The following TGFA variants were observed in gnomAD, a reference collection of about 807,000 sequenced individuals.
The protein encoded by TGFA is protransforming growth factor alpha.
TGFA carries 12 observed loss-of-function variants against 21.7 expected under a neutral mutation model. The ratio of observed to expected loss-of-function variants is 0.55; its 90% CI spans 0.35 to 0.90. TGFA has a LOEUF of 0.90. Among genes scored for constraint, TGFA ranks in the 40% least tolerant of loss-of-function variants. The pLI is 0.01. For missense variants in TGFA, 178 were observed against 210.8 expected (o/e 0.84, Z 0.96); for synonymous variants, 79 against 88.1 (o/e 0.90, Z 0.58).
At chr2:70,508,412 G>A (rs1671996200) in intron 2 of TGFA, among the ~76,000 whole-genome samples, 2 of 152,126 alleles carry the variant, frequency 1.3e-5, no homozygotes, top group South Asian at 2.1e-4. Context: ...ACCATTGCAC[G>A]CTAGCCTGGG....
At chr2:70,512,623 A>G (rs911303003) in intron 2 of TGFA, among the ~76,000 whole-genome samples, 1 of 152,238 alleles carries the variant, frequency 6.6e-6, no homozygotes, top group Non-Finnish European at 1.5e-5. Context: ...CACGACTGCA[A>G]AAAGAATAGT....
chr2:70,537,088 T>A (rs559535029), intron 1 of TGFA, among the ~76,000 whole-genome samples: 1 of 151,646 alleles, frequency 6.6e-6, no homozygotes, highest in East Asian at 1.9e-4. Flanking sequence ...TTGGTAATAA[T>A]CACAATTCAT....
At chr2:70,553,458 C>T in intron 1 of TGFA, 1 of 1,413,746 alleles carries the variant, frequency 7.1e-7, no homozygotes, top group Non-Finnish European at 9.2e-7. Flanking sequence ...AAGTTCAAGC[C>T]CGTTCACACT....
At chr2:70,538,899 A>G (rs1673050210) in intron 1 of TGFA, among the ~76,000 whole-genome samples, 1 of 152,192 alleles carries the variant, frequency 6.6e-6, no homozygotes, top group Admixed American at 6.5e-5. Flanking sequence ...TGCCACAGAG[A>G]AATCTTTCAT....
At chr2:70,471,102 T>TCCCCCC (rs1553493119) in intron 2 of TGFA, among the ~76,000 whole-genome samples, 1 of 144,760 alleles carries the variant, frequency 6.9e-6, no homozygotes, top group African/African-American at 2.6e-5. Context: ...TGCATTCTCC[T>TCCCCCC]CCCCGCACCC....
At chr2:70,514,588 G>T (rs950701118) in intron 2 of TGFA, among the ~76,000 whole-genome samples, 6 of 152,192 alleles carry the variant, frequency 3.9e-5, no homozygotes, top group African/African-American at 1.4e-4. Context: ...GCCCTGTTTT[G>T]GCACACTTGC....
In TGFA at chr2:70,450,955, C is replaced by T. The variant is rs1574062024; in HGVS notation, c.476-89G>A. On this transcript the variant is annotated intron_variant, in intron 5 of 5. Coordinates refer to ENST00000295400, the MANE Select transcript of TGFA (RefSeq NM_003236.4). ...GCTTAGGAAAGAGACTTGGAGATGG[C>T]AGAGCCAATGTCACCAAGTTCTCTC... 2 of 1,488,126 alleles carry T rather than the reference C, an allele frequency of 1.3e-6. 1 individual carries two copies. The highest frequency in any genetic ancestry group is 2.4e-5 in the South Asian group (2 of 84,034). The allele number at this position is 1,488,126 out of a possible 1,614,324, so 92.2% of individuals were successfully genotyped here.
Position 70,467,222 on chromosome 2 carries a change from A to G in TGFA, c.95-1486T>C, listed in dbSNP as rs112325798. Among the ~76,000 whole-genome samples the G allele has an allele frequency of 4.9e-3, 751 of 152,330 alleles. 3 individuals carry two copies. Among genetic ancestry groups the G allele is most frequent in the Non-Finnish European group, 7.5e-3 (508 of 68,026 alleles). On this transcript the variant is annotated intron_variant, in intron 2 of 5. Transcript: ENST00000295400. ...AAAATTAAATAATTTTAAAAAAAAG[A>G]TTACTTAAAGCAAGAAACCCATATG...
chr2:70,518,095 G>A (rs1672341059), intron 1 of TGFA, among the ~76,000 whole-genome samples: 3 of 152,240 alleles, frequency 2.0e-5, no homozygotes, highest in African/African-American at 7.2e-5. Context: ...AGTGGCTCAG[G>A]GAGACACACA....
intron 3 of TGFA, among the ~76,000 whole-genome samples, chr2:70,458,687 A>G (rs985894000): frequency 7.2e-5 from 11 of 152,202 alleles, no homozygotes; most frequent in African/African-American, 2.7e-4. Flanking sequence ...ATTCTCCAGA[A>G]GGATGTAATT....
intron 1 of TGFA, among the ~76,000 whole-genome samples, chr2:70,551,764 T>C (rs1193718772): frequency 2.0e-5 from 3 of 152,156 alleles, no homozygotes; most frequent in African/African-American, 7.2e-5. Context: ...TGAGCAAGTT[T>C]TTACATATTG....
intron 2 of TGFA, among the ~76,000 whole-genome samples, chr2:70,474,174 C>T (rs544131695): frequency 1.3e-5 from 2 of 152,328 alleles, no homozygotes; most frequent in East Asian, 3.9e-4. Context: ...CATATTATCT[C>T]ACCAAACATC....
At chr2:70,508,482 G>C (rs1158101485) in intron 2 of TGFA, among the ~76,000 whole-genome samples, 1 of 151,654 alleles carries the variant, frequency 6.6e-6, no homozygotes, top group African/African-American at 2.4e-5. Context: ...GGTGAAGGGG[G>C]GGAATGTTAT....
chr2:70,470,365 C>T (rs1228710659), intron 2 of TGFA, among the ~76,000 whole-genome samples: 1 of 152,174 alleles, frequency 6.6e-6, no homozygotes, highest in African/African-American at 2.4e-5. Flanking sequence ...AACTCTATGC[C>T]TCCTGGCAGT....
intron 2 of TGFA, among the ~76,000 whole-genome samples, chr2:70,493,709 C>T (rs1376601572): frequency 6.6e-6 from 1 of 152,134 alleles, no homozygotes; most frequent in Non-Finnish European, 1.5e-5. Flanking sequence ...CAATGACATA[C>T]CTAATGATGG....
intron 2 of TGFA, among the ~76,000 whole-genome samples, chr2:70,485,571 A>C (rs1553496474): frequency 6.6e-6 from 1 of 152,160 alleles, no homozygotes; most frequent in African/African-American, 2.4e-5. Flanking sequence ...AAGACTGAGA[A>C]TCAATCCAAA....
At chr2:70,538,154 C>T (rs782194821) in intron 1 of TGFA, among the ~76,000 whole-genome samples, 14 of 152,144 alleles carry the variant, frequency 9.2e-5, no homozygotes, top group Non-Finnish European at 1.9e-4. Flanking sequence ...TTTAAGCCCA[C>T]TGTTGAGATC....
At position 70,503,944 on chromosome 2, in the gene TGFA, C is replaced by T. The variant is rs76170456; in HGVS notation, c.94+10915G>A. Among the ~76,000 whole-genome samples the T allele has an allele frequency of 7.8e-3, 1,192 of 152,256 alleles. 14 individuals are homozygous for T. The highest frequency in any genetic ancestry group is 0.028 in the African/African-American group (1,145 of 41,534). ...ACTTTGGAGTCTGACAGGTTCAATC[C>T]CCTGTGCTTCATAAGCCTACTGACA... On this transcript the variant is annotated intron_variant, in intron 2 of 5. Transcript: ENST00000295400.
chr2:70,524,466 AT>A lies in TGFA; in HGVS notation c.41-9555del, dbSNP rs150452095. ...TGGCTGGCTGAGGGCCCCCATCCAA[AT>A]TCCTGGAATTTCAAGGCAACAGGGC... On this transcript the variant is annotated intron_variant, in intron 1 of 5. Coordinates refer to ENST00000295400, the MANE Select transcript of TGFA (RefSeq NM_003236.4). 8.3e-3 allele frequency among the ~76,000 whole-genome samples: 1,267 copies of A among 152,270 alleles called. 20 individuals carry two copies. The highest frequency in any genetic ancestry group is 0.028 in the African/African-American group (1,180 of 41,558).
Sources: allele counts gnomAD v4.1 joint callset (sites outside exome capture counted in the v4.1 genomes callset), GRCh38; gene constraint gnomAD v4.1.1; transcripts MANE v1.5; gene names NCBI Gene and HGNC (gene_info 2026-07-23, HGNC 2026-07-21).